MAP4K5: variants seen among roughly 807,000 people sequenced by gnomAD.
MAP4K5 encodes the protein mitogen-activated protein kinase kinase kinase kinase 5.
In MAP4K5, 82 loss-of-function variants were observed where a neutral mutation model predicts 135.6. The ratio of observed to expected loss-of-function variants is 0.60; its 90% CI spans 0.51 to 0.73. The LOEUF (loss-of-function observed/expected upper bound fraction) is 0.73, where lower values mean the gene tolerates loss of function less well. MAP4K5 is among the 30% of genes least tolerant of loss of function. The pLI, the probability that MAP4K5 is intolerant of heterozygous loss-of-function variation, is 0.00. For synonymous variants in MAP4K5, 347 were observed against 335.0 expected, an observed-to-expected ratio of 1.04 and a Z score of -0.39; for missense variants, 907 against 1,010.9, an observed-to-expected ratio of 0.90 and a Z score of 1.39.
chr14:50,558,099 A>G (rs1033921598), intron 1 of MAP4K5, among the ~76,000 whole-genome samples: 5 of 152,214 alleles, frequency 3.3e-5, no homozygotes, highest in African/African-American at 1.2e-4. Flanking sequence ...AATGCCAGCT[A>G]CTTAATTTAA....
chr14:50,498,115 G>A (rs966309106), intron 3 of MAP4K5, among the ~76,000 whole-genome samples: 3 of 152,300 alleles, frequency 2.0e-5, no homozygotes, highest in East Asian at 1.9e-4. Context: ...CTGAGCATCT[G>A]TAAAATGAGT....
At position 50,442,821 on chromosome 14, in the gene MAP4K5, T is replaced by C. The variant is rs769171672; in HGVS notation, c.1480-5A>G. 42 of 1,521,294 alleles carry C rather than the reference T, an allele frequency of 2.8e-5. No individual in the cohort carries two copies. Among genetic ancestry groups the C allele is most frequent in the Non-Finnish European group, 3.7e-5 (42 of 1,120,122 alleles). 94.2% of individuals were successfully genotyped at this position (1,521,294 alleles called of 1,614,324 possible). A position where few individuals can be genotyped will look rare whatever the true frequency, so the allele number is the denominator to read the frequency against. ...TTTTGAAAAGCATGCTCCCATCTTA[T>C]TTATAAAGAAAGAAATGTTAACTTA... On this transcript the variant is annotated splice_region_variant and splice_polypyrimidine_tract_variant and intron_variant, in intron 20 of 32. Coordinates refer to ENST00000682126, the MANE Select transcript of MAP4K5 (RefSeq NM_006575.6).
At chr14:50,435,123 A>AT (rs2139672069) in intron 26 of MAP4K5, 58 bp from the exon 27 acceptor site, 1 of 839,598 alleles carries the variant, frequency 1.2e-6, no homozygotes, top group Non-Finnish European at 1.9e-6. Context: ...GAATACTTTC[A>AT]TTGTATCTGT....
chr14:50,553,479 G>T (rs2038728116), intron 1 of MAP4K5, among the ~76,000 whole-genome samples: 1 of 151,986 alleles, frequency 6.6e-6, no homozygotes, highest in Non-Finnish European at 1.5e-5. Flanking sequence ...GTGGTGAAAA[G>T]GGAGCTCTTT....
intron 1 of MAP4K5, among the ~76,000 whole-genome samples, chr14:50,549,647 T>C (rs1266316475): frequency 6.6e-6 from 1 of 152,140 alleles, no homozygotes; most frequent in East Asian, 1.9e-4. Context: ...CTACGAAGAA[T>C]ATATAATGAT....
intron 1 of MAP4K5, among the ~76,000 whole-genome samples, chr14:50,547,988 A>G (rs539775307): frequency 6.6e-6 from 1 of 152,264 alleles, no homozygotes; most frequent in African/African-American, 2.4e-5. Flanking sequence ...TCACTGTATT[A>G]ATGATATCAT....
chr14:50,441,795 C>T (rs1056520059), intron 21 of MAP4K5, among the ~76,000 whole-genome samples: 14 of 131,748 alleles, frequency 1.1e-4, no homozygotes, highest in African/African-American at 3.7e-4. Flanking sequence ...CACACACACA[C>T]ACATATATAT....
chr14:50,451,737 A>C (rs528324700), intron 14 of MAP4K5, among the ~76,000 whole-genome samples: 35 of 152,198 alleles, frequency 2.3e-4, no homozygotes, highest in African/African-American at 7.0e-4. Flanking sequence ...TTTTAGGATG[A>C]ATATAGCTTG....
chr14:50,497,209 T>C (rs2037613540), intron 3 of MAP4K5, among the ~76,000 whole-genome samples: 2 of 151,948 alleles, frequency 1.3e-5, no homozygotes. Flanking sequence ...TCATAATAAG[T>C]AAATATGGTT....
In MAP4K5 at chr14:50,515,809, C is replaced by G. The variant is rs373370291; in HGVS notation, c.109-10952G>C. On this transcript the variant is annotated intron_variant, in intron 2 of 32. Coordinates refer to ENST00000682126, the MANE Select transcript of MAP4K5 (RefSeq NM_006575.6). ...AACTGATCATGGAACTGCATCTTTTCTTTATCTAACATTCACCTATGCAGC... is the reference window on the plus strand; with the variant it reads ...AACTGATCATGGAACTGCATCTTTTGTTTATCTAACATTCACCTATGCAGC... Among the ~76,000 whole-genome samples, 18 of 152,290 alleles carry G rather than the reference C, an allele frequency of 1.2e-4. No individual in the cohort carries two copies. The East Asian group carries it at 3.5e-3, about 29-fold the overall frequency.
intron 13 of MAP4K5, among the ~76,000 whole-genome samples, chr14:50,462,164 T>C (rs530382696): frequency 5.8e-4 from 88 of 152,320 alleles, no homozygotes; most frequent in Middle Eastern, 3.4e-3. Flanking sequence ...AAAAATAATA[T>C]GCATATGTGT....
rs112404540 is a variant in MAP4K5, at chr14:50,486,880, TA to T, written c.167-687del. Among the ~76,000 whole-genome samples the T allele has an allele frequency of 5.3e-5, 8 of 151,882 alleles. 1 individual carries two copies. The highest frequency in any genetic ancestry group is 2.1e-4 in the South Asian group (1 of 4,808). On this transcript the variant is annotated intron_variant, in intron 3 of 32. Coordinates refer to ENST00000682126, the MANE Select transcript of MAP4K5 (RefSeq NM_006575.6). ...ACATAGTGAGCCTCCCTCTCCCAAC[TA>T]AAAAAAAGTTCAGTGGTGTCCAGAC...
chr14:50,482,383 T>A lies in MAP4K5; in HGVS notation c.356A>T (p.Tyr119Phe). 6.5e-7 allele frequency: 1 copy of A among 1,534,078 alleles called. No individual in the cohort carries two copies. Among genetic ancestry groups the A allele is most frequent in the Middle Eastern group, 1.8e-4 (1 of 5,610 alleles). ...TGPLSELQIA[Y>F]VCRETLQGLA... ...TACCTGTAAGGTTTCTCTGCATACA[T>A]AGGCTATTTGCAATTCTGATAATGG... Residue 119 changes from tyrosine (Y) to phenylalanine (F), a missense_variant, in exon 6 of 33, where the codon TAT (tyrosine) becomes TTT (phenylalanine). Around this residue, in one of 3 missense-constraint regions of MAP4K5, gnomAD observed 196 missense variants for 189.3 expected, o/e 1.04. Coordinates refer to ENST00000682126, the MANE Select transcript of MAP4K5 (RefSeq NM_006575.6).
intron 14 of MAP4K5, among the ~76,000 whole-genome samples, chr14:50,452,562 G>C (rs1246102472): frequency 6.6e-6 from 1 of 152,106 alleles, no homozygotes; most frequent in Admixed American, 6.6e-5. Flanking sequence ...CATTCAAACA[G>C]GTCCAGGAAG....
intron 1 of MAP4K5, among the ~76,000 whole-genome samples, chr14:50,550,100 C>T (rs114352875): frequency 6.6e-6 from 1 of 152,258 alleles, no homozygotes; most frequent in African/African-American, 2.4e-5. Flanking sequence ...CCCAGCTGTA[C>T]TCTTTGAGGG....
At chr14:50,445,008 G>T in intron 18 of MAP4K5, 33 bp downstream of exon 18, 1 of 1,597,714 alleles carries the variant, frequency 6.3e-7, no homozygotes, top group Non-Finnish European at 8.5e-7. Flanking sequence ...CTAGCCATAT[G>T]TACCCCATGG....
intron 16 of MAP4K5, 130 bp from the exon 17 acceptor site, chr14:50,446,251 T>C (rs1378455699): frequency 1.8e-6 from 1 of 557,592 alleles, no homozygotes; most frequent in Non-Finnish European, 3.1e-6. Context: ...ATGCAGAGTA[T>C]AAAATCTTTA....
intron 3 of MAP4K5, among the ~76,000 whole-genome samples, chr14:50,492,428 CA>C (rs138426858): frequency 6.6e-6 from 1 of 151,140 alleles, no homozygotes; most frequent in African/African-American, 2.4e-5. Flanking sequence ...TCTGTCTCCA[CA>C]AAAAAAACAC....
In MAP4K5 at chr14:50,418,931, A is replaced by G. The variant is rs1446997308; in HGVS notation, c.*1088T>C. The G allele has an allele frequency of 1.3e-5, 2 of 152,318 alleles. No individual in the cohort carries two copies. The highest frequency in any genetic ancestry group is 1.5e-5 in the Non-Finnish European group (1 of 68,010). 9.4% of individuals were successfully genotyped at this position (152,318 alleles called of 1,614,324 possible). On this transcript the variant is annotated 3_prime_UTR_variant, in exon 33 of 33. Transcript: ENST00000682126. ...TTATTTTTAGAATACTGGCTTTTAA[A>G]TACTTATTGATACTATCCCATCAGG...
Sources: gnomAD v4.1 joint callset for allele counts (sites outside exome capture counted in the v4.1 genomes callset) on GRCh38, gnomAD v4.1.1 for gene constraint, gnomAD v4.1.1 regional missense constraint, MANE v1.5 for transcripts, NCBI Gene and HGNC (gene_info 2026-07-23, HGNC 2026-07-21) for gene names.